The following TENM3 variants were observed in gnomAD, a reference collection of about 807,000 sequenced individuals.
TENM3 encodes the protein teneurin transmembrane protein 3.
In TENM3, 63 loss-of-function variants were observed where a neutral mutation model predicts 255.1. The ratio of observed to expected loss-of-function variants is 0.25; its 90% CI spans 0.20 to 0.30. The LOEUF (loss-of-function observed/expected upper bound fraction) is 0.30. Among genes scored for constraint, TENM3 ranks in the 10% least tolerant of loss-of-function variants. TENM3 has a pLI of 1.00. For synonymous variants in TENM3, 1,306 were observed against 1,322.3 expected, an observed-to-expected ratio of 0.99 and a Z score of 0.27; for missense variants, 2,929 against 3,461.1, an observed-to-expected ratio of 0.85 and a Z score of 3.86.
intron 3 of TENM3, among the ~76,000 whole-genome samples, chr4:182,433,884 A>G: frequency 6.6e-6 from 1 of 152,066 alleles, no homozygotes; most frequent in East Asian, 1.9e-4. Context: ...GGGAGACCAA[A>G]GTGGAGGATG....
At chr4:182,588,108 T>G (rs1746228076) in intron 3 of TENM3, among the ~76,000 whole-genome samples, 2 of 152,128 alleles carry the variant, frequency 1.3e-5, no homozygotes, top group South Asian at 4.1e-4. Context: ...GCTAATATAT[T>G]TTAAGATTTT....
the TENM3 span, among the ~76,000 whole-genome samples, chr4:181,678,844 A>AC: frequency 2.2e-5 from 1 of 45,572 alleles, no homozygotes; most frequent in Non-Finnish European, 6.8e-5. Context: ...TTTTAAACAA[A>AC]AAAAAAAAAA....
intron 3 of TENM3, among the ~76,000 whole-genome samples, chr4:182,507,875 C>T (rs1455818987): frequency 6.6e-6 from 1 of 152,130 alleles, no homozygotes; most frequent in Non-Finnish European, 1.5e-5. Flanking sequence ...TATAGAGTAT[C>T]CACTAATTAT....
intron 12 of TENM3, among the ~76,000 whole-genome samples, chr4:182,697,423 G>A (rs1757509634): frequency 6.6e-6 from 1 of 152,142 alleles, no homozygotes; most frequent in African/African-American, 2.4e-5. Flanking sequence ...TGAAAATCTA[G>A]GGGAAATTCT....
the TENM3 span, among the ~76,000 whole-genome samples, chr4:181,867,581 G>A: frequency 2.0e-5 from 3 of 152,156 alleles, no homozygotes; most frequent in African/African-American, 4.8e-5. Flanking sequence ...CAGATCTCCT[G>A]TACCACCTGG....
the TENM3 span, among the ~76,000 whole-genome samples, chr4:181,525,962 G>C: frequency 6.6e-6 from 1 of 152,160 alleles, no homozygotes; most frequent in South Asian, 2.1e-4. Flanking sequence ...AAGCACAATA[G>C]ATCTTAACCA....
intron 3 of TENM3, among the ~76,000 whole-genome samples, chr4:182,400,029 T>G (rs1360940750): frequency 1.3e-5 from 2 of 152,216 alleles, no homozygotes; most frequent in Admixed American, 6.5e-5. Context: ...GAGACAGCTC[T>G]TAAGATATTG....
the TENM3 span, among the ~76,000 whole-genome samples, chr4:182,038,409 T>G: frequency 7.9e-5 from 12 of 152,226 alleles, no homozygotes; most frequent in Non-Finnish European, 7.3e-5. Flanking sequence ...ACTCATTTTA[T>G]CCACATAACA....
chr4:181,831,499 C>CA, the TENM3 span, among the ~76,000 whole-genome samples: 63,092 of 144,234 alleles, frequency 0.44, 13,868 homozygotes, highest in South Asian at 0.6. Context: ...GCCTATGTGC[C>CA]AAAAAAAAAA....
At chr4:181,799,910 G>A in the TENM3 span, among the ~76,000 whole-genome samples, 1 of 152,120 alleles carries the variant, frequency 6.6e-6, no homozygotes, top group South Asian at 2.1e-4. Flanking sequence ...AAAAGCCCTC[G>A]GGAGCTAGGC....
At chr4:181,481,484 C>T in the TENM3 span, among the ~76,000 whole-genome samples, 4 of 152,130 alleles carry the variant, frequency 2.6e-5, no homozygotes, top group African/African-American at 9.7e-5. Flanking sequence ...CATAGACTGA[C>T]AGATGGAAGA....
At chr4:182,684,263 T>G (rs1404466218) in intron 11 of TENM3, among the ~76,000 whole-genome samples, 1 of 150,688 alleles carries the variant, frequency 6.6e-6, no homozygotes, top group African/African-American at 2.4e-5. Flanking sequence ...CAGTGTTGAG[T>G]GAATAAAAAC....
At chr4:181,598,642 AG>A in the TENM3 span, among the ~76,000 whole-genome samples, 200 of 152,226 alleles carry the variant, frequency 1.3e-3, 1 homozygote, top group African/African-American at 4.7e-3. Context: ...CATGATCAAA[AG>A]CCCAATGTTT....
At chr4:181,709,108 G>A in the TENM3 span, among the ~76,000 whole-genome samples, 7 of 152,218 alleles carry the variant, frequency 4.6e-5, no homozygotes, top group Non-Finnish European at 8.8e-5. Flanking sequence ...CTGTGCTAAC[G>A]GAAAGCTGTG....
the TENM3 span, among the ~76,000 whole-genome samples, chr4:181,940,848 A>G: frequency 6.6e-6 from 1 of 152,216 alleles, no homozygotes; most frequent in African/African-American, 2.4e-5. Context: ...TGAGGAGAGT[A>G]TTACAGTCTC....
chr4:181,669,448 GAA>G, the TENM3 span, among the ~76,000 whole-genome samples: 2 of 152,074 alleles, frequency 1.3e-5, no homozygotes, highest in South Asian at 4.1e-4. Context: ...GCCTTTTAAG[GAA>G]ATACACAATA....
chr4:182,236,255 A>G (rs1348836229), intron 1 of TENM3, among the ~76,000 whole-genome samples: 1 of 152,230 alleles, frequency 6.6e-6, no homozygotes, highest in African/African-American at 2.4e-5. Context: ...TGAATAAGAC[A>G]TCATATTTCT....
chr4:182,287,644 C>T (rs1440709344), intron 1 of TENM3, among the ~76,000 whole-genome samples: 1 of 103,868 alleles, frequency 9.6e-6, no homozygotes, highest in African/African-American at 5.1e-5. Context: ...GACTGAGTCT[C>T]GCTCTGACAC....
chr4:182,634,947 G>A (rs1001381470), intron 5 of TENM3, among the ~76,000 whole-genome samples: 8 of 152,094 alleles, frequency 5.3e-5, no homozygotes, highest in African/African-American at 1.7e-4. Flanking sequence ...CATTATTGAC[G>A]CATTGCTACA....
Sources: allele counts gnomAD v4.1 joint callset (sites outside exome capture counted in the v4.1 genomes callset), GRCh38; gene constraint gnomAD v4.1.1; transcripts MANE v1.5; gene names NCBI Gene and HGNC (gene_info 2026-07-23, HGNC 2026-07-21).